Variants in SUN5 observed in about 807,000 individuals in gnomAD.
SUN5 encodes the protein SUN domain-containing protein 5.
A neutral mutation model predicts 53.7 loss-of-function variants in SUN5; 44 were observed. The ratio of observed to expected loss-of-function variants is 0.82; its 90% CI spans 0.64 to 1.05. The LOEUF is 1.05. Among genes scored for constraint, SUN5 ranks in the 50% least tolerant of loss-of-function variants. The pLI is 0.00. For synonymous variants in SUN5, 166 were observed against 179.8 expected, an observed-to-expected ratio of 0.92 and a Z score of 0.62; for missense variants, 433 against 483.8, an observed-to-expected ratio of 0.90 and a Z score of 0.98.
At chr20:32,985,574 A>C (rs745321690) in intron 11 of SUN5, among the ~76,000 whole-genome samples, 162 bp downstream of exon 11, 3 of 152,140 alleles carry the variant, frequency 2.0e-5, no homozygotes, top group Non-Finnish European at 4.4e-5. Flanking sequence ...TTGAAGGCTG[A>C]AATTGGACCC....
chr20:32,988,480 T>C (rs1180503936), intron 9 of SUN5, among the ~76,000 whole-genome samples: 2 of 152,278 alleles, frequency 1.3e-5, no homozygotes, highest in East Asian at 3.9e-4. Context: ...CCTCACCAAG[T>C]CTCAGCCCAA....
chr20:32,998,130 G>A (rs972366213), intron 5 of SUN5, among the ~76,000 whole-genome samples: 3 of 133,624 alleles, frequency 2.2e-5, no homozygotes, highest in Non-Finnish European at 3.0e-5. Flanking sequence ...CTTAAGCCCA[G>A]GAGTTCAAGA....
chr20:32,993,712 T>TG lies in SUN5; in HGVS notation c.534+1906dup, dbSNP rs1367521448. The stretch of plus-strand genomic sequence containing the variant: ...AAGGCCTTAGAACAGTGATTCTCTC[T>TG]GGTATATGTCAGAACCACCTGGAAG... On this transcript the variant is annotated intron_variant, in intron 8 of 12. Coordinates refer to ENST00000356173, the MANE Select transcript of SUN5 (RefSeq NM_080675.4). 4.6e-5 allele frequency among the ~76,000 whole-genome samples: 7 copies of TG among 152,206 alleles called. No individual in the cohort carries two copies. The East Asian group carries it at 1.3e-3, about 29-fold the overall frequency.
rs114078356 is a variant in SUN5 at position 33,001,030 on chromosome 20, G to A, written c.278+182C>T. Among the ~76,000 whole-genome samples, 610 of 152,168 alleles carry A rather than the reference G, an allele frequency of 4.0e-3. 5 individuals are homozygous for A. The highest frequency in any genetic ancestry group is 0.014 in the African/African-American group (579 of 41,512). On this transcript the variant is annotated intron_variant, in intron 4 of 12. Transcript: ENST00000356173. The stretch of plus-strand genomic sequence containing the variant: ...GGATTCCAGGACACTGCAGGCTGAG[G>A]GGCTGGAGCAATGGGGGGCCACAGT...
chr20:33,002,684 A>T (rs41303801), intron 2 of SUN5, 23 bp from the exon 3 acceptor site: 2 of 1,613,904 alleles, frequency 1.2e-6, no homozygotes, highest in Non-Finnish European at 1.7e-6. Context: ...CAGGACTGTC[A>T]TGTCACTGCC....
chr20:32,999,952 C>T (rs958660114), intron 5 of SUN5, 122 bp downstream of exon 5: 50 of 1,554,324 alleles, frequency 3.2e-5, no homozygotes, highest in Non-Finnish European at 4.0e-5. Flanking sequence ...CACAGCAACA[C>T]CCATCAGGCA....
chr20:33,001,512 T>TTTCTTTC, intron 3 of SUN5, among the ~76,000 whole-genome samples: 1 of 42,682 alleles, frequency 2.3e-5, no homozygotes, highest in South Asian at 5.0e-4. Context: ...AGACATTTTC[T>TTTCTTTC]TTCTTTCTTC....
intron 5 of SUN5, among the ~76,000 whole-genome samples, chr20:32,998,653 A>T (rs1989916706): frequency 6.6e-6 from 1 of 152,140 alleles, no homozygotes; most frequent in Non-Finnish European, 1.5e-5. Context: ...ATCAGGGATG[A>T]GACAGGGATG....
intron 3 of SUN5, among the ~76,000 whole-genome samples, chr20:33,001,646 C>T (rs895216548): frequency 9.8e-6 from 1 of 102,318 alleles, no homozygotes; most frequent in African/African-American, 5.1e-5. Flanking sequence ...TCTTTTCCTC[C>T]CTCCCTCCCT....
Position 32,985,187 on chromosome 20 carries a change from T to A in SUN5, c.898-2A>T, listed in dbSNP as rs200863119. 15 of 1,613,640 alleles carry A rather than the reference T, an allele frequency of 9.3e-6. No individual in the cohort carries two copies. The highest frequency in any genetic ancestry group is 3.3e-4 in the Middle Eastern group (2 of 6,082). ...CTCCTTGGGGGAGCCCTCCATGCCC[T>A]GTGGAACCAGAACCAAGGTGAAGGC... On this transcript the variant is annotated splice_acceptor_variant, in intron 11 of 12. Transcript: ENST00000356173. LOFTEE classifies it high-confidence loss of function.
intron 3 of SUN5, among the ~76,000 whole-genome samples, chr20:33,001,505 C>CATTT: frequency 3.4e-5 from 1 of 29,244 alleles, no homozygotes; most frequent in Admixed American, 2.6e-4. Context: ...AGTTAACAGA[C>CATTT]ATTTTCTTTC....
chr20:32,986,024 G>A, intron 10 of SUN5, 121 bp from the exon 11 acceptor site: 2 of 1,161,026 alleles, frequency 1.7e-6, no homozygotes, highest in Non-Finnish European at 1.2e-6. Flanking sequence ...TCCAAAGCTT[G>A]GCTCAAGTGC....
intron 8 of SUN5, among the ~76,000 whole-genome samples, chr20:32,995,355 C>T (rs1489994295): frequency 6.6e-6 from 1 of 152,200 alleles, no homozygotes; most frequent in Non-Finnish European, 1.5e-5. Context: ...TGGTGGGCTT[C>T]CTTCAACATT....
intron 3 of SUN5, 150 bp downstream of exon 3, chr20:33,002,437 T>C (rs980466765): frequency 4.3e-5 from 31 of 714,740 alleles, no homozygotes; most frequent in African/African-American, 3.7e-4. Context: ...ATACCTCCGA[T>C]GGGTAGAACT....
chr20:33,002,382 C>T (rs917095843), intron 3 of SUN5, among the ~76,000 whole-genome samples: 19 of 152,100 alleles, frequency 1.2e-4, no homozygotes, highest in Non-Finnish European at 1.5e-5. Flanking sequence ...AGCAAGCCTC[C>T]CTCCCAGTTC....
intron 9 of SUN5, 48 bp from the exon 10 acceptor site, chr20:32,987,823 G>C: frequency 6.6e-7 from 1 of 1,515,240 alleles, no homozygotes; most frequent in Non-Finnish European, 9.1e-7. Flanking sequence ...CTTCTGCCTG[G>C]TGGAGGGGAC....
At chr20:33,001,566 T>TTTCTTTCTTTTCTTC (rs1568970962) in intron 3 of SUN5, among the ~76,000 whole-genome samples, 2 of 45,626 alleles carry the variant, frequency 4.4e-5, no homozygotes, top group East Asian at 4.0e-4. Context: ...TTCTTTCTTT[T>TTTCTTTCTTTTCTTC]CTTCCTTCCT....
intron 10 of SUN5, among the ~76,000 whole-genome samples, chr20:32,986,889 G>T (rs1025694227): frequency 4.6e-5 from 7 of 152,154 alleles, no homozygotes; most frequent in African/African-American, 1.7e-4. Flanking sequence ...CTATCTGCCT[G>T]CGGATCTGCT....
intron 8 of SUN5, among the ~76,000 whole-genome samples, chr20:32,991,361 C>T (rs1483951809): frequency 6.6e-6 from 1 of 152,204 alleles, no homozygotes; most frequent in African/African-American, 2.4e-5. Flanking sequence ...ATAGGACAGA[C>T]ATTAGTCTAA....
Sources: gnomAD v4.1 joint callset for allele counts (sites outside exome capture counted in the v4.1 genomes callset) on GRCh38, gnomAD v4.1.1 for gene constraint, MANE v1.5 for transcripts, NCBI Gene and HGNC (gene_info 2026-07-23, HGNC 2026-07-21) for gene names.